Variants in UGT2A2 observed in about 807,000 individuals in gnomAD.
UGT2A2 encodes UDP-glucuronosyltransferase 2A2.
Under a neutral mutation model 50.7 loss-of-function variants are expected in UGT2A2, and 60 were observed. That is an observed-to-expected ratio of 1.18 (90% CI 0.96 to 1.47). UGT2A2 has a LOEUF of 1.47. UGT2A2 is among the 40% of genes most tolerant of loss of function. The pLI is 0.00. For missense variants in UGT2A2, 762 were observed against 634.0 expected, an observed-to-expected ratio of 1.20 and a Z score of -2.17; for synonymous variants, 242 against 214.6, an observed-to-expected ratio of 1.13 and a Z score of -1.11.
intron 1 of UGT2A2, among the ~76,000 whole-genome samples, chr4:69,629,967 T>G (rs933828517): frequency 1.3e-5 from 2 of 152,092 alleles, no homozygotes; most frequent in East Asian, 3.8e-4. Flanking sequence ...AAAATATTTT[T>G]TCCTTAATCT....
rs761881572 is a variant in UGT2A2 at position 69,589,357 on chromosome 4, C to A, written c.*15G>T. ...GCCAAACTTAAAAATATATATATTT[C>A]CTCTTTTTCTTGACCTATTCTCTTT... is the stretch of plus-strand genomic sequence containing the variant. On this transcript the variant is annotated 3_prime_UTR_variant, in exon 6 of 6. Coordinates refer to ENST00000604629, the MANE Select transcript of UGT2A2 (RefSeq NM_001105677.2). The A allele has an allele frequency of 2.6e-5, 41 of 1,595,078 alleles. No individual in the cohort carries two copies. In the Admixed American group the frequency reaches 7.2e-4, roughly 28 times the overall value.
intron 1 of UGT2A2, among the ~76,000 whole-genome samples, chr4:69,605,746 C>A (rs1719569035): frequency 7.3e-6 from 1 of 136,130 alleles, no homozygotes; most frequent in Non-Finnish European, 1.6e-5. Flanking sequence ...GGGATATCAC[C>A]ACCGATCCCA....
At chr4:69,630,997 A>C (rs1373347987) in intron 1 of UGT2A2, among the ~76,000 whole-genome samples, 1 of 152,162 alleles carries the variant, frequency 6.6e-6, no homozygotes, top group Non-Finnish European at 1.5e-5. Flanking sequence ...GATCTCTGTG[A>C]TAGGATGTCC....
At chr4:69,632,257 G>T (rs1422401052) in intron 1 of UGT2A2, among the ~76,000 whole-genome samples, 4 of 152,094 alleles carry the variant, frequency 2.6e-5, no homozygotes, top group South Asian at 2.1e-4. Context: ...AAGAGGGAAG[G>T]CATAACATGT....
At chr4:69,597,122 G>A (rs752535222) in intron 2 of UGT2A2, among the ~76,000 whole-genome samples, 6 of 152,016 alleles carry the variant, frequency 3.9e-5, no homozygotes, top group Non-Finnish European at 5.9e-5. Context: ...TAAATTTATC[G>A]GTTCCTGTTA....
Position 69,615,935 on chromosome 4 carries a change from T to C in UGT2A2, c.743-16541A>G, listed in dbSNP as rs147899795. Among the ~76,000 whole-genome samples, 316 of 152,182 alleles carry C rather than the reference T, an allele frequency of 2.1e-3. 5 individuals carry two copies. Among genetic ancestry groups the C allele is most frequent in the African/African-American group, 5.2e-3 (217 of 41,550 alleles). ...ATATATCCAAATAAAGGAATCAGTA[T>C]ATCAAAGAAATATCTGTACACCCAT... On this transcript the variant is annotated intron_variant, in intron 1 of 5. Coordinates refer to ENST00000604629, the MANE Select transcript of UGT2A2 (RefSeq NM_001105677.2).
intron 1 of UGT2A2, among the ~76,000 whole-genome samples, chr4:69,614,763 G>A (rs1003238558): frequency 6.6e-6 from 1 of 151,998 alleles, no homozygotes; most frequent in Non-Finnish European, 1.5e-5. Context: ...GTATCTATAT[G>A]TAGAACAATG....
rs115660996 is a variant in UGT2A2, at chr4:69,636,778, T to G, written c.742+2121A>C. Among the ~76,000 whole-genome samples the G allele has an allele frequency of 5.9e-3, 903 of 152,280 alleles. 9 individuals are homozygous for G. Among genetic ancestry groups the G allele is most frequent in the African/African-American group, 0.021 (873 of 41,568 alleles). ...CATTTAATATAAGTATAATTCTTTA[T>G]AGTTGACATGGAATAGCCACATATG... On this transcript the variant is annotated intron_variant, in intron 1 of 5. Coordinates refer to ENST00000604629, the MANE Select transcript of UGT2A2 (RefSeq NM_001105677.2).
chr4:69,638,777 A>C (rs1445948382), intron 1 of UGT2A2, 122 bp downstream of exon 1: 2 of 1,224,076 alleles, frequency 1.6e-6, no homozygotes, highest in African/African-American at 3.1e-5. Flanking sequence ...GTTTGTACAG[A>C]GATATAAGAA....
At chr4:69,624,063 C>G (rs541640178) in intron 1 of UGT2A2, among the ~76,000 whole-genome samples, 3 of 151,618 alleles carry the variant, frequency 2.0e-5, no homozygotes, top group African/African-American at 7.2e-5. Context: ...CTTGTATTAT[C>G]AATTACTGAG....
intron 1 of UGT2A2, among the ~76,000 whole-genome samples, chr4:69,636,651 T>C (rs1471787095): frequency 6.6e-6 from 1 of 152,162 alleles, no homozygotes; most frequent in Non-Finnish European, 1.5e-5. Context: ...AAACCATTTA[T>C]TTTTTGTAGA....
intron 1 of UGT2A2, among the ~76,000 whole-genome samples, chr4:69,638,371 G>T (rs182186023): frequency 1.7e-3 from 264 of 152,230 alleles, no homozygotes; most frequent in African/African-American, 6.2e-3. Context: ...GCTGGCCACA[G>T]GATAGAGAGA....
At chr4:69,616,025 G>T (rs896434852) in intron 1 of UGT2A2, among the ~76,000 whole-genome samples, 2 of 151,996 alleles carry the variant, frequency 1.3e-5, no homozygotes, top group Non-Finnish European at 2.9e-5. Context: ...ATCAATGGGT[G>T]AATCAACGGA....
At chr4:69,595,867 T>A (rs1047721359) in intron 3 of UGT2A2, among the ~76,000 whole-genome samples, 13 of 152,192 alleles carry the variant, frequency 8.5e-5, no homozygotes, top group Admixed American at 5.9e-4. Flanking sequence ...TTAGCATAAT[T>A]TCTCCCTGCT....
chr4:69,597,576 T>C (rs1218270410), intron 2 of UGT2A2, among the ~76,000 whole-genome samples: 2 of 152,136 alleles, frequency 1.3e-5, no homozygotes, highest in Non-Finnish European at 2.9e-5. Flanking sequence ...GCCAAATAAC[T>C]AGGGGAGGGT....
At chr4:69,595,418 T>G (rs535292528) in intron 3 of UGT2A2, among the ~76,000 whole-genome samples, 169 bp from the exon 4 acceptor site, 2 of 152,258 alleles carry the variant, frequency 1.3e-5, no homozygotes, top group Admixed American at 1.3e-4. Context: ...TGTACCTTTT[T>G]GTAAAGTCTT....
At position 69,635,131 on chromosome 4, in the gene UGT2A2, A is replaced by T. The variant is rs190774438; in HGVS notation, c.742+3768T>A. 8.0e-4 allele frequency among the ~76,000 whole-genome samples: 122 copies of T among 152,328 alleles called. 2 individuals carry two copies. In the East Asian group the frequency reaches 0.018, roughly 23 times the overall value. ...AGAAAGTTTAAAAATAAAAATAAAA[A>T]TAAATTTAAAAAGAGGAGTAAGGAT... On this transcript the variant is annotated intron_variant, in intron 1 of 5. Transcript: ENST00000604629.
intron 1 of UGT2A2, among the ~76,000 whole-genome samples, chr4:69,625,202 T>C (rs1720980552): frequency 6.6e-6 from 1 of 151,122 alleles, no homozygotes; most frequent in Non-Finnish European, 1.5e-5. Context: ...TTTTTTAATT[T>C]TCCTTCCATT....
chr4:69,620,156 T>C (rs551352289), intron 1 of UGT2A2, among the ~76,000 whole-genome samples: 86 of 151,882 alleles, frequency 5.7e-4, no homozygotes, highest in Non-Finnish European at 1.1e-3. Context: ...GAGAAAGAAA[T>C]AAAAGGCATC....
Sources: allele counts gnomAD v4.1 joint callset (sites outside exome capture counted in the v4.1 genomes callset), GRCh38; gene constraint gnomAD v4.1.1; transcripts MANE v1.5; gene names NCBI Gene and HGNC (gene_info 2026-07-23, HGNC 2026-07-21).